IMPDH1: variants seen among roughly 807,000 people sequenced by gnomAD.
The protein encoded by IMPDH1 is inosine monophosphate dehydrogenase 1.
A neutral mutation model predicts 73.5 loss-of-function variants in IMPDH1; 41 were observed. The observed-to-expected ratio is 0.56, with a 90% CI of 0.43 to 0.72. The LOEUF is 0.72. Ranked by LOEUF, IMPDH1 falls within the 30% of genes least tolerant of loss-of-function variation. The pLI, the probability that IMPDH1 is intolerant of heterozygous loss-of-function variation, is 0.00. For synonymous variants in IMPDH1, 318 were observed against 334.3 expected (o/e 0.95, Z 0.53); for missense variants, 645 against 824.8 (o/e 0.78, Z 2.67).
intron 5 of IMPDH1, 122 bp from the exon 6 acceptor site, chr7:128,401,238 G>GAGTT (rs1290695662): frequency 4.1e-6 from 3 of 728,646 alleles, no homozygotes; most frequent in African/African-American, 1.7e-5. Flanking sequence ...CAAGGTGGAT[G>GAGTT]AGTTCCCAGC....
At position 128,403,771 on chromosome 7, in the gene IMPDH1, G is replaced by A. The variant is rs761400896; in HGVS notation, c.354-17C>T. 5 of 1,612,846 alleles carry A rather than the reference G, an allele frequency of 3.1e-6. No homozygotes were observed. Among genetic ancestry groups the A allele is most frequent in the South Asian group, 1.1e-5 (1 of 91,068 alleles). On this transcript the variant is annotated splice_polypyrimidine_tract_variant and intron_variant, in intron 4 of 16. Coordinates refer to ENST00000338791, the MANE Select transcript of IMPDH1 (RefSeq NM_000883.4). Reference sequence around the variant, plus strand: ...AGGAAGTCGCTGTGAAGACAGAGAAGTGAGTGTTATTAGTGGGGAGGGGTG... The same window carrying A: ...AGGAAGTCGCTGTGAAGACAGAGAAATGAGTGTTATTAGTGGGGAGGGGTG...
At chr7:128,406,011 G>C (rs1272335288) in intron 3 of IMPDH1, 146 bp from the exon 4 acceptor site, 1 of 448,116 alleles carries the variant, frequency 2.2e-6, no homozygotes, top group African/African-American at 2.2e-5. Flanking sequence ...CGGGGGCTGC[G>C]GCAGCGGCAG....
chr7:128,402,409 G>A (rs35501542), intron 5 of IMPDH1, among the ~76,000 whole-genome samples: 21,385 of 152,182 alleles, frequency 0.14, 1,624 homozygotes, highest in South Asian at 0.22. Flanking sequence ...AGCTGGTAGG[G>A]GTCTTTTCAA....
chr7:128,405,524 AGG>A (rs911334693), intron 4 of IMPDH1, among the ~76,000 whole-genome samples: 5 of 152,128 alleles, frequency 3.3e-5, no homozygotes, highest in African/African-American at 1.2e-4. Flanking sequence ...GAGAGGAGGA[AGG>A]GGACAGGCCG....
At chr7:128,403,662 C>A (rs1487458341) in intron 5 of IMPDH1, 44 bp downstream of exon 5, 1 of 1,573,300 alleles carries the variant, frequency 6.4e-7, no homozygotes, top group Non-Finnish European at 8.8e-7. Flanking sequence ...CCTCTTCCAC[C>A]ACATACACAG....
intron 12 of IMPDH1, 93 bp from the exon 13 acceptor site, chr7:128,395,367 A>C: frequency 7.0e-7 from 1 of 1,433,580 alleles, no homozygotes. Context: ...CCTGTGCACT[A>C]CCTCTACTCA....
chr7:128,395,403 T>C (rs905270202), intron 12 of IMPDH1, 129 bp from the exon 13 acceptor site: 1 of 1,114,812 alleles, frequency 9.0e-7, no homozygotes, highest in Non-Finnish European at 1.3e-6. Context: ...CTGGATGGTG[T>C]GTCTGAGGCA....
rs888404505 is a variant in IMPDH1 at position 128,392,935 on chromosome 7, T to C, written c.*72A>G. ...TGCAAATCTGTGGACCACTCAGTTA[T>C]GGAGGGAGGCTGTGCCCAAAAGTGG... On this transcript the variant is annotated 3_prime_UTR_variant, in exon 17 of 17. Transcript: ENST00000338791. 60 of 1,477,214 alleles carry C rather than the reference T, an allele frequency of 4.1e-5. No homozygotes were observed. Among genetic ancestry groups the C allele is most frequent in the Non-Finnish European group, 5.2e-5 (55 of 1,055,638 alleles). The allele number at this position is 1,477,214 out of a possible 1,614,324, so 91.5% of individuals were successfully genotyped here. A position where few individuals can be genotyped will look rare whatever the true frequency, so the allele number is the denominator to read the frequency against.
At chr7:128,403,865 G>C (rs993703258) in intron 4 of IMPDH1, 111 bp from the exon 5 acceptor site, 13 of 911,570 alleles carry the variant, frequency 1.4e-5, no homozygotes, top group Admixed American at 1.1e-4. Flanking sequence ...TAGAGGAGCA[G>C]AGGCTACAGC....
rs1039614729 is a variant in IMPDH1 at position 128,394,792 on chromosome 7, T to C, written c.1550+97A>G. ...TGTGCCTCAGTTTCCAGAACCACCA[T>C]ATGGGGACTGGCTGCCATCTGGGGA... On this transcript the variant is annotated intron_variant, in intron 14 of 16. Transcript: ENST00000338791. The surrounding 1 kb of genome is among the most constrained non-coding windows in gnomAD (Gnocchi z 5.5). 135 of 1,501,768 alleles carry C rather than the reference T, an allele frequency of 9.0e-5. No homozygotes were observed. The highest frequency in any genetic ancestry group is 8.6e-5 in the Non-Finnish European group (94 of 1,087,382). 93.0% of individuals were successfully genotyped at this position (1,501,768 alleles called of 1,614,324 possible). A position where few individuals can be genotyped will look rare whatever the true frequency, so the allele number is the denominator to read the frequency against.
chr7:128,405,395 G>T (rs1431241353), intron 4 of IMPDH1, among the ~76,000 whole-genome samples: 3 of 152,220 alleles, frequency 2.0e-5, no homozygotes, highest in Admixed American at 6.5e-5. Flanking sequence ...TGGCTCCGGG[G>T]ACCCTCTGCC....
chr7:128,394,718 G>T lies in IMPDH1; in HGVS notation c.1551-119C>A. On this transcript the variant is annotated intron_variant, in intron 14 of 16. Transcript: ENST00000338791. This position sits in a 1 kb window ranked among gnomAD's most constrained non-coding sequence, Gnocchi z 5.5. ...GGTCCCCCAGGCCACCCCTCACTGG[G>T]CTGAGTCAGATGGCCCAGGGACAGA... 1.4e-6 allele frequency: 2 copies of T among 1,433,052 alleles called. No individual in the cohort carries two copies. Among genetic ancestry groups the T allele is most frequent in the Non-Finnish European group, 1.9e-6 (2 of 1,034,450 alleles). The allele number at this position is 1,433,052 out of a possible 1,614,324, so 88.8% of individuals were successfully genotyped here. A position where few individuals can be genotyped will look rare whatever the true frequency, so the allele number is the denominator to read the frequency against.
chr7:128,393,163 G>A (rs547718407), intron 16 of IMPDH1, 135 bp from the exon 17 acceptor site: 10 of 966,822 alleles, frequency 1.0e-5, no homozygotes, highest in South Asian at 8.0e-5. Context: ...GCCGTACGGC[G>A]CAGGAGGAGG....
At position 128,398,343 on chromosome 7, in the gene IMPDH1, TG is replaced by T; in HGVS notation, c.1074+70del. 7.9e-7 allele frequency: 1 copy of T among 1,263,968 alleles called. No individual in the cohort carries two copies. The highest frequency in any genetic ancestry group is 1.2e-6 in the Non-Finnish European group (1 of 866,718). 78.3% of individuals were successfully genotyped at this position (1,263,968 alleles called of 1,614,324 possible). A position where few individuals can be genotyped will look rare whatever the true frequency, so the allele number is the denominator to read the frequency against. Reference sequence around the variant, plus strand: ...GCACAGGCTTAATCAGAGGTGAACCTGGGTCCTCATAAACCTCCACTCTGCT... The same window carrying T: ...GCACAGGCTTAATCAGAGGTGAACCTGGTCCTCATAAACCTCCACTCTGCT... On this transcript the variant is annotated intron_variant, in intron 10 of 16. Coordinates refer to ENST00000338791, the MANE Select transcript of IMPDH1 (RefSeq NM_000883.4). This position sits in a 1 kb window ranked among gnomAD's most constrained non-coding sequence, Gnocchi z 4.3.
At position 128,409,928 on chromosome 7, in the gene IMPDH1, G is replaced by A. The variant is rs977173252; in HGVS notation, c.-27C>T. On this transcript the variant is annotated 5_prime_UTR_variant, in exon 1 of 17. Transcript: ENST00000338791. ...CGGAGGCCGCAGCTCAGGGCGGGCG[G>A]GAGCCTGGAGGCTCCCGGGGCCCCG... is the stretch of plus-strand genomic sequence containing the variant. The A allele has an allele frequency of 3.1e-5, 42 of 1,336,814 alleles. No individual in the cohort carries two copies. Among genetic ancestry groups the A allele is most frequent in the South Asian group, 2.5e-4 (13 of 51,206 alleles). The allele number at this position is 1,336,814 out of a possible 1,614,324, so 82.8% of individuals were successfully genotyped here. A position where few individuals can be genotyped will look rare whatever the true frequency, so the allele number is the denominator to read the frequency against.
In IMPDH1 at chr7:128,396,749, G is replaced by A; in HGVS notation, c.1166-54C>T. 7.0e-7 allele frequency: 1 copy of A among 1,438,784 alleles called. No individual in the cohort carries two copies. Among genetic ancestry groups the A allele is most frequent in the South Asian group, 1.2e-5 (1 of 82,020 alleles). 89.1% of individuals were successfully genotyped at this position (1,438,784 alleles called of 1,614,324 possible). A position where few individuals can be genotyped will look rare whatever the true frequency, so the allele number is the denominator to read the frequency against. On this transcript the variant is annotated intron_variant, in intron 11 of 16. Coordinates refer to ENST00000338791, the MANE Select transcript of IMPDH1 (RefSeq NM_000883.4). The surrounding 1 kb of genome is among the most constrained non-coding windows in gnomAD (Gnocchi z 4.0). Reference sequence around the variant, plus strand: ...ATGTGAGGATGGGATGCCCCTGCCTGCCCAACAGCCTCTTGGGACCCCAGT... The same window carrying A: ...ATGTGAGGATGGGATGCCCCTGCCTACCCAACAGCCTCTTGGGACCCCAGT...
chr7:128,392,792 C>T lies in IMPDH1; in HGVS notation c.*215G>A. The T allele has an allele frequency of 1.8e-6, 1 of 568,288 alleles. No individual in the cohort carries two copies. The highest frequency in any genetic ancestry group is 3.1e-6 in the Non-Finnish European group (1 of 318,050). The allele number at this position is 568,288 out of a possible 1,614,324, so 35.2% of individuals were successfully genotyped here. ...GCTGGCTGGGCTCGGAGGGGGGCTC[C>T]CAGGGCAGCCTGGCCCCGGGAGCAG... On this transcript the variant is annotated 3_prime_UTR_variant, in exon 17 of 17. Coordinates refer to ENST00000338791, the MANE Select transcript of IMPDH1 (RefSeq NM_000883.4).
intron 8 of IMPDH1, 32 bp from the exon 9 acceptor site, chr7:128,400,214 G>A (rs1338888610): frequency 6.2e-7 from 1 of 1,613,144 alleles, no homozygotes; most frequent in Admixed American, 1.7e-5. Flanking sequence ...CCTGCAGGTT[G>A]GCAGGTGAGA....
At chr7:128,395,707 G>A (rs1290217166) in intron 12 of IMPDH1, among the ~76,000 whole-genome samples, 1 of 152,234 alleles carries the variant, frequency 6.6e-6, no homozygotes, top group Non-Finnish European at 1.5e-5. Flanking sequence ...TAGGTTTTAG[G>A]TGGGGACTAC....
Sources: allele counts gnomAD v4.1 joint callset (sites outside exome capture counted in the v4.1 genomes callset), GRCh38; gene constraint gnomAD v4.1.1; non-coding constraint Gnocchi (gnomAD v3.1); transcripts MANE v1.5; gene names NCBI Gene and HGNC (gene_info 2026-07-23, HGNC 2026-07-21).